Variants in SUGCT observed in about 807,000 individuals in gnomAD.
SUGCT encodes the protein succinyl-CoA:glutarate-CoA transferase.
Under a neutral mutation model 55.0 loss-of-function variants are expected in SUGCT, and 41 were observed. The ratio of observed to expected loss-of-function variants is 0.74; its 90% confidence interval spans 0.58 to 0.97. SUGCT has a LOEUF of 0.97. Among genes scored for constraint, SUGCT ranks in the 50% least tolerant of loss-of-function variants. The pLI, the probability that SUGCT is intolerant of heterozygous loss-of-function variation, is 0.00. For missense variants in SUGCT, 568 were observed against 547.8 expected (o/e 1.04, Z -0.37); for synonymous variants, 187 against 200.4 (o/e 0.93, Z 0.56).
intron 13 of SUGCT, among the ~76,000 whole-genome samples, chr7:40,806,393 C>T (rs1791092464): frequency 6.6e-6 from 1 of 152,114 alleles, no homozygotes; most frequent in South Asian, 2.1e-4. Flanking sequence ...ATTTTTTGAA[C>T]ATTGAGATTC....
chr7:40,239,270 G>A (rs1349676937), intron 7 of SUGCT, among the ~76,000 whole-genome samples: 1 of 151,930 alleles, frequency 6.6e-6, no homozygotes, highest in Non-Finnish European at 1.5e-5. Flanking sequence ...TTGTAGAGAT[G>A]GTGTCCCATT....
chr7:40,203,196 T>C (rs1334938899), intron 6 of SUGCT, among the ~76,000 whole-genome samples: 2 of 152,122 alleles, frequency 1.3e-5, no homozygotes, highest in Non-Finnish European at 2.9e-5. Flanking sequence ...CAGCTGAAGG[T>C]TTTATTTAGC....
intron 13 of SUGCT, among the ~76,000 whole-genome samples, chr7:40,800,523 C>T (rs535752910): frequency 3.3e-5 from 5 of 152,152 alleles, no homozygotes; most frequent in African/African-American, 1.2e-4. Context: ...AACTCCTGAC[C>T]TCAGGTGATC....
At chr7:40,321,915 G>T (rs915711013) in intron 9 of SUGCT, among the ~76,000 whole-genome samples, 41 of 152,270 alleles carry the variant, frequency 2.7e-4, no homozygotes, top group Non-Finnish European at 4.6e-4. Flanking sequence ...ATCTTTTTGA[G>T]ATCTTGATTT....
At chr7:40,492,827 T>C (rs1791763840) in intron 11 of SUGCT, among the ~76,000 whole-genome samples, 1 of 152,210 alleles carries the variant, frequency 6.6e-6, no homozygotes, top group Non-Finnish European at 1.5e-5. Context: ...TTCAGCATCC[T>C]GCATTGTAAT....
At chr7:40,806,405 A>AGTC (rs1332809686) in intron 13 of SUGCT, among the ~76,000 whole-genome samples, 3 of 152,176 alleles carry the variant, frequency 2.0e-5, no homozygotes, top group Non-Finnish European at 4.4e-5. Context: ...TTGAGATTCA[A>AGTC]GTCAGCCTTA....
At chr7:40,205,147 G>A (rs560265997) in intron 6 of SUGCT, among the ~76,000 whole-genome samples, 3 of 151,662 alleles carry the variant, frequency 2.0e-5, no homozygotes, top group African/African-American at 7.3e-5. Context: ...CTAGCTACTC[G>A]GGGAGGCTGA....
intron 3 of SUGCT, among the ~76,000 whole-genome samples, chr7:40,184,524 G>A (rs562536574): frequency 6.6e-6 from 1 of 151,798 alleles, no homozygotes; most frequent in East Asian, 1.9e-4. Flanking sequence ...GTAAAAACAG[G>A]GTCTTCCTAT....
chr7:40,384,290 A>T (rs4521659), intron 9 of SUGCT, among the ~76,000 whole-genome samples: 145,801 of 152,216 alleles, frequency 0.96, 70,141 homozygotes, highest in East Asian at 1. Context: ...ATATGTGTAC[A>T]TCAGGGAGTA....
chr7:40,499,178 T>C, intron 12 of SUGCT: 1 of 455,180 alleles, frequency 2.2e-6, no homozygotes, highest in Non-Finnish European at 4.4e-6. Flanking sequence ...TGGAAATTGC[T>C]TTGGGTGAAG....
At chr7:40,915,994 C>A in the SUGCT span, among the ~76,000 whole-genome samples, 1 of 151,484 alleles carries the variant, frequency 6.6e-6, no homozygotes, top group African/African-American at 2.4e-5. Flanking sequence ...TTTACTTTTT[C>A]TTTCTGGAGA....
intron 5 of SUGCT, among the ~76,000 whole-genome samples, chr7:40,192,832 C>T (rs1384418766): frequency 6.7e-6 from 1 of 150,092 alleles, no homozygotes; most frequent in Non-Finnish European, 1.5e-5. Flanking sequence ...GGGGTTTCAC[C>T]GTGTAGGTCA....
At chr7:40,366,355 C>T (rs180697528) in intron 9 of SUGCT, among the ~76,000 whole-genome samples, 67 of 152,224 alleles carry the variant, frequency 4.4e-4, no homozygotes, top group East Asian at 3.9e-4. Context: ...TAGGCATGGG[C>T]GAGGACTACA....
chr7:40,753,458 C>T (rs1288108531), intron 13 of SUGCT, among the ~76,000 whole-genome samples: 1 of 152,166 alleles, frequency 6.6e-6, no homozygotes, highest in African/African-American at 2.4e-5. Flanking sequence ...CATACATATC[C>T]ACATCTTCAC....
chr7:40,678,231 G>A (rs771813765), intron 12 of SUGCT, among the ~76,000 whole-genome samples: 11 of 152,270 alleles, frequency 7.2e-5, no homozygotes, highest in Middle Eastern at 3.4e-3. Flanking sequence ...GGTTGCCGTC[G>A]TGGAGACTGG....
intron 12 of SUGCT, among the ~76,000 whole-genome samples, chr7:40,746,645 G>A (rs904375250): frequency 1.3e-5 from 2 of 151,910 alleles, no homozygotes; most frequent in African/African-American, 2.4e-5. Context: ...CGGCATAGGG[G>A]TGGAGAAAGT....
At chr7:40,410,234 C>T (rs1786597742) in intron 9 of SUGCT, among the ~76,000 whole-genome samples, 1 of 152,032 alleles carries the variant, frequency 6.6e-6, no homozygotes. Context: ...ATTATATAAC[C>T]TTCTTTAATT....
intron 13 of SUGCT, among the ~76,000 whole-genome samples, chr7:40,759,822 G>A (rs1362808084): frequency 2.6e-5 from 4 of 151,400 alleles, no homozygotes; most frequent in Admixed American, 2.0e-4. Context: ...TTGGGATTAC[G>A]TGGGTTTTTT....
the SUGCT span, among the ~76,000 whole-genome samples, chr7:40,975,165 C>T: frequency 3.1e-4 from 47 of 152,260 alleles, no homozygotes; most frequent in East Asian, 9.7e-4. Context: ...ACCTTCATTA[C>T]CCATGGTTTT....
Sources: allele counts gnomAD v4.1 joint callset (sites outside exome capture counted in the v4.1 genomes callset), GRCh38; gene constraint gnomAD v4.1.1; transcripts MANE v1.5; gene names NCBI Gene and HGNC (gene_info 2026-07-23, HGNC 2026-07-21).